Variants in RBM19 observed in about 807,000 individuals in gnomAD.
RBM19 encodes probable RNA-binding protein 19.
Under a neutral mutation model 116.8 loss-of-function variants are expected in RBM19, and 94 were observed. That is an observed-to-expected ratio of 0.80 (90% CI 0.68 to 0.95). The LOEUF is 0.95. RBM19 is among the 40% of genes least tolerant of loss of function. RBM19 has a pLI of 0.00. For missense variants in RBM19, 1,161 were observed against 1,220.7 expected (o/e 0.95, Z 0.73); for synonymous variants, 475 against 494.1 (o/e 0.96, Z 0.51).
chr12:113,829,912 C>T (rs921226699), intron 23 of RBM19, among the ~76,000 whole-genome samples: 2 of 152,214 alleles, frequency 1.3e-5, no homozygotes, highest in African/African-American at 4.8e-5. Flanking sequence ...AAGGGGCGAG[C>T]TGCAGGGACC....
Position 113,858,784 on chromosome 12 carries a change from G to A in RBM19, c.2664+7C>T, listed in dbSNP as rs767744814. The A allele has an allele frequency of 6.2e-7, 1 of 1,613,014 alleles. No individual in the cohort carries two copies. Among genetic ancestry groups the A allele is most frequent in the Non-Finnish European group, 8.5e-7 (1 of 1,179,212 alleles). On this transcript the variant is annotated splice_region_variant and intron_variant, in intron 22 of 23. Coordinates refer to ENST00000261741, the MANE Select transcript of RBM19 (RefSeq NM_016196.4). ...TGGACAGGTGGGGAAGGGATTCACG[G>A]TCTCACCTTCGCATCCTGCTTGGTG... is the stretch of plus-strand genomic sequence containing the variant.
At chr12:113,919,495 T>C (rs1882978563) in intron 19 of RBM19, among the ~76,000 whole-genome samples, 1 of 152,164 alleles carries the variant, frequency 6.6e-6, no homozygotes. Context: ...GGCGTGAACC[T>C]GGGAGGCGGA....
chr12:113,869,090 T>C (rs3782442), intron 21 of RBM19, among the ~76,000 whole-genome samples: 10,037 of 152,200 alleles, frequency 0.066, 641 homozygotes, highest in East Asian at 0.34. Context: ...AAAGGATCTA[T>C]ATTGGTGCCA....
chr12:113,877,459 T>C lies in RBM19; in HGVS notation c.2559-18563A>G, dbSNP rs549367019. 1.1e-4 allele frequency among the ~76,000 whole-genome samples: 17 copies of C among 152,300 alleles called. No individual in the cohort carries two copies. In the South Asian group the frequency reaches 3.5e-3, roughly 32 times the overall value. ...AGAGGCCTGAGTGTGGGGCTGCAGC[T>C]GTCTTCTCCCCGGCCATGGTGAAAC... On this transcript the variant is annotated intron_variant, in intron 21 of 23. Coordinates refer to ENST00000261741, the MANE Select transcript of RBM19 (RefSeq NM_016196.4).
At chr12:113,879,381 A>G (rs1879921194) in intron 21 of RBM19, among the ~76,000 whole-genome samples, 1 of 150,598 alleles carries the variant, frequency 6.6e-6, no homozygotes, top group Admixed American at 6.7e-5. Flanking sequence ...TAAGATAGAC[A>G]TTTAGCATTT....
chr12:113,833,350 T>TGGATG (rs57931736), intron 23 of RBM19, among the ~76,000 whole-genome samples: 9,981 of 152,284 alleles, frequency 0.066, 654 homozygotes, highest in East Asian at 0.35. Flanking sequence ...CTTATTGGCC[T>TGGATG]GGATGGGACC....
At chr12:113,865,500 C>T (rs1298060204) in intron 21 of RBM19, among the ~76,000 whole-genome samples, 1 of 152,184 alleles carries the variant, frequency 6.6e-6, no homozygotes, top group African/African-American at 2.4e-5. Flanking sequence ...GGCTCTTATA[C>T]TCTGTTGTGT....
chr12:113,942,997 G>A (rs1237552576), intron 13 of RBM19, among the ~76,000 whole-genome samples: 2 of 152,078 alleles, frequency 1.3e-5, no homozygotes, highest in Non-Finnish European at 2.9e-5. Flanking sequence ...CTCATCATAT[G>A]GGTCTTTGCT....
intron 21 of RBM19, among the ~76,000 whole-genome samples, chr12:113,876,627 C>A (rs909044608): frequency 6.6e-6 from 1 of 151,776 alleles, no homozygotes; most frequent in African/African-American, 2.4e-5. Context: ...CCCGTCTGTA[C>A]CAAAAATACA....
At chr12:113,929,038 C>T (rs1869374471) in intron 16 of RBM19, among the ~76,000 whole-genome samples, 1 of 152,152 alleles carries the variant, frequency 6.6e-6, no homozygotes. Flanking sequence ...TTAAACCCTG[C>T]ACCCCAGCCT....
chr12:113,826,736 CT>C (rs1874892508), intron 23 of RBM19, among the ~76,000 whole-genome samples: 1 of 152,202 alleles, frequency 6.6e-6, no homozygotes, highest in Non-Finnish European at 1.5e-5. Context: ...TGCCCAGCCC[CT>C]GGCTCAGTCG....
At chr12:113,955,845 G>A (rs1871894041) in intron 6 of RBM19, among the ~76,000 whole-genome samples, 1 of 152,234 alleles carries the variant, frequency 6.6e-6, no homozygotes, top group Non-Finnish European at 1.5e-5. Context: ...GCGCTTGACC[G>A]TGGGGTGCTG....
At chr12:113,914,104 G>C (rs1400324540) in intron 21 of RBM19, among the ~76,000 whole-genome samples, 1 of 152,250 alleles carries the variant, frequency 6.6e-6, no homozygotes, top group Admixed American at 6.5e-5. Flanking sequence ...CCAACTAGGG[G>C]CCCTGGGGCA....
chr12:113,820,807 T>TC (rs1245901941), downstream of RBM19, among the ~76,000 whole-genome samples: 1 of 152,100 alleles, frequency 6.6e-6, no homozygotes, highest in African/African-American at 2.4e-5. Flanking sequence ...GCTGCCTCAC[T>TC]CCCCACTGCC....
intron 18 of RBM19, among the ~76,000 whole-genome samples, chr12:113,924,013 A>C (rs1429559052): frequency 6.6e-6 from 1 of 152,216 alleles, no homozygotes; most frequent in Admixed American, 6.5e-5. Context: ...TAGCATTCCT[A>C]CAAATCCTGC....
chr12:113,962,581 C>T (rs964828157), intron 1 of RBM19, among the ~76,000 whole-genome samples, 167 bp from the exon 2 acceptor site: 9 of 152,314 alleles, frequency 5.9e-5, no homozygotes, highest in East Asian at 1.9e-4. Context: ...GACTCTAGCA[C>T]GAGTTGTGTG....
intron 9 of RBM19, among the ~76,000 whole-genome samples, chr12:113,949,844 G>C (rs1323751315): frequency 1.3e-5 from 2 of 152,104 alleles, no homozygotes; most frequent in South Asian, 2.1e-4. Context: ...CTGTAGCATG[G>C]ATCACACATT....
At chr12:113,958,743 C>T (rs897535805) in intron 5 of RBM19, among the ~76,000 whole-genome samples, 4 of 152,190 alleles carry the variant, frequency 2.6e-5, no homozygotes, top group Non-Finnish European at 4.4e-5. Flanking sequence ...CACCAGGCCT[C>T]CCCCACACCA....
At chr12:113,827,507 G>A (rs1269379666) in intron 23 of RBM19, among the ~76,000 whole-genome samples, 3 of 144,124 alleles carry the variant, frequency 2.1e-5, no homozygotes, top group South Asian at 4.9e-4. Context: ...GCGCAGGCAG[G>A]GAGAAAGGGC....
Sources: gnomAD v4.1 joint callset for allele counts (sites outside exome capture counted in the v4.1 genomes callset) on GRCh38, gnomAD v4.1.1 for gene constraint, MANE v1.5 for transcripts, NCBI Gene and HGNC (gene_info 2026-07-23, HGNC 2026-07-21) for gene names.